Variants in SYP observed in about 807,000 individuals in gnomAD.
SYP encodes the protein synaptophysin.
A neutral mutation model predicts 24.3 loss-of-function variants in SYP; 2 were observed. The ratio of observed to expected loss-of-function variants is 0.08; its 90% CI spans 0.03 to 0.26. SYP has a LOEUF of 0.26. Among genes scored for constraint, SYP ranks in the 10% least tolerant of loss-of-function variants. The probability of loss-of-function intolerance (pLI) is 1.00; values close to 1 mark genes in which losing one functional copy is unlikely to be tolerated. For missense variants in SYP, 216 were observed against 266.3 expected (o/e 0.81, Z 1.32); for synonymous variants, 143 against 123.2 (o/e 1.16, Z -1.07).
chrX:49,190,181 CT>C lies in SYP; in HGVS notation c.*5-900del, dbSNP rs3841666. 1.3e-4 allele frequency among the ~76,000 whole-genome samples: 13 copies of C among 103,793 alleles called. 1 individual carries two copies. The highest frequency in any genetic ancestry group is 9.8e-3 in the Middle Eastern group (2 of 204). 90.1% of individuals were successfully genotyped at this position (103,793 alleles called of 115,157 possible). On this transcript the variant is annotated intron_variant, in intron 6 of 6. Coordinates refer to ENST00000263233, the MANE Select transcript of SYP (RefSeq NM_003179.3). Reference sequence around the variant, plus strand: ...TGAGGGAAATCTCACTTCTCTTTTTCTTTTTTTTTTTGTTTTGAGACAGAGT... The same window carrying C: ...TGAGGGAAATCTCACTTCTCTTTTTCTTTTTTTTTTGTTTTGAGACAGAGT...
At chrX:49,191,258 G>A (rs182753942) in intron 6 of SYP, 175 bp downstream of exon 6, 541 of 519,893 alleles carry the variant, frequency 1.0e-3, no homozygotes, top group African/African-American at 6.0e-3. Context: ...TCATTAGCTA[G>A]TTTTTCAGCT....
Position 49,191,585 on chromosome X carries a change from T to A in SYP, c.794A>T (p.Gln265Leu). The change falls in exon 6 of 7, where the codon CAG becomes CTG. Residue 265 changes from glutamine (Q) to leucine (L), a missense_variant. By Grantham distance (113) the Gln-to-Leu change is moderately radical. Transcript: ENST00000263233. The part of the protein sequence containing the change: ...YGQGPGGYGP[Q>L]DSYGPQGGYQ... Reference sequence around the variant, plus strand: ...GCCGCCCTGAGGCCCGTAGGAATCCTGGGGCCCGTACCCGCCGGGGCCCTG... The same window carrying A: ...GCCGCCCTGAGGCCCGTAGGAATCCAGGGGCCCGTACCCGCCGGGGCCCTG... 1 of 1,209,523 alleles carries A rather than the reference T, an allele frequency of 8.3e-7. No homozygotes were observed. The highest frequency in any genetic ancestry group is 1.1e-6 in the Non-Finnish European group (1 of 894,918).
rs1274386677 is a variant in SYP, at chrX:49,194,996, T to C, written c.228-635A>G. Among the ~76,000 whole-genome samples the C allele has an allele frequency of 2.4e-4, 27 of 111,333 alleles. No individual in the cohort carries two copies. The Admixed American group carries it at 2.6e-3, about 11-fold the overall frequency. On this transcript the variant is annotated intron_variant, in intron 3 of 6. Transcript: ENST00000263233. ...TGCTGGGATTACAGGCGTGAGCCAC[T>C]GCGCCCGGCCTCCCTCATCTCCTTG...
intron 1 of SYP, among the ~76,000 whole-genome samples, chrX:49,199,837 C>T (rs2065544212): frequency 1.8e-5 from 2 of 109,778 alleles, no homozygotes; most frequent in South Asian, 8.0e-4. Context: ...TCCACTCTCC[C>T]CTCCCCTTGT....
chrX:49,198,997 G>C lies in SYP; in HGVS notation c.73C>G (p.Pro25Ala), dbSNP rs1557103657. Residue 25 changes from proline (P) to alanine (A), a missense_variant, in exon 2 of 7, where the codon CCC becomes GCC. Pro to Ala is a conservative substitution (Grantham distance 27). Coordinates refer to ENST00000263233, the MANE Select transcript of SYP (RefSeq NM_003179.3). ...AGGQFRVVKE[P>A]LGFVKVLQWV... ...TGCAGCACCTTCACAAAGCCGAGGGGCTCCTTGACCACCCGGAACTGACCC... is the reference window on the plus strand; with the variant it reads ...TGCAGCACCTTCACAAAGCCGAGGGCCTCCTTGACCACCCGGAACTGACCC... 1 of 1,211,724 alleles carries C rather than the reference G, an allele frequency of 8.3e-7. No individual in the cohort carries two copies. The highest frequency in any genetic ancestry group is 1.1e-6 in the Non-Finnish European group (1 of 895,458).
At chrX:49,194,483 G>A (rs1302665220) in intron 3 of SYP, 122 bp from the exon 4 acceptor site, 9 of 650,306 alleles carry the variant, frequency 1.4e-5, no homozygotes, top group East Asian at 1.1e-4. Flanking sequence ...ACCATTCATC[G>A]AGCACCTACT....
chrX:49,192,299 A>G (rs781828153), intron 5 of SYP, among the ~76,000 whole-genome samples: 29 of 111,797 alleles, frequency 2.6e-4, no homozygotes, highest in African/African-American at 8.4e-4. Context: ...GGTTCAAGCA[A>G]TTCTCCTGCC....
Position 49,197,783 on chromosome X carries a change from C to T in SYP, c.159G>A (p.Leu53=), listed in dbSNP as rs1557103499. 8.3e-7 allele frequency: 1 copy of T among 1,209,072 alleles called. No homozygotes were observed. The highest frequency in any genetic ancestry group is 1.1e-6 in the Non-Finnish European group (1 of 894,026). Residue 53 remains leucine, a synonymous_variant, in exon 3 of 7, where the codon CTG becomes CTA. Transcript: ENST00000263233. ...TCGSYSGELQ[L]SVDCANKTES... ...CGGTCTTGTTGGCACAATCCACGCT[C>T]AGCTGGAGCTCCCCACTGTAGCTGC...
chrX:49,196,232 C>CT (rs1249379987), intron 3 of SYP, among the ~76,000 whole-genome samples: 1 of 111,633 alleles, frequency 9.0e-6, no homozygotes, highest in East Asian at 2.8e-4. Flanking sequence ...TCCCCAGACT[C>CT]TTTTCTCCCT....
At chrX:49,190,230 A>AG (rs1449477300) in intron 6 of SYP, among the ~76,000 whole-genome samples, 4 of 107,158 alleles carry the variant, frequency 3.7e-5, no homozygotes, top group Non-Finnish European at 7.7e-5. Context: ...CCCAGGCTGG[A>AG]GTGCAGTGGC....
At chrX:49,198,745 T>G in intron 2 of SYP, 6 of 413,184 alleles carry the variant, frequency 1.5e-5, no homozygotes, top group Non-Finnish European at 2.6e-5. Flanking sequence ...CGTCACAGTC[T>G]CCCACTTCAC....
At chrX:49,190,594 C>A (rs2065503698) in intron 6 of SYP, 1 of 108,431 alleles carries the variant, frequency 9.2e-6, no homozygotes, top group Non-Finnish European at 1.9e-5. Flanking sequence ...TCATAGCTCA[C>A]GGCAGCCTCA....
At position 49,191,479 on chromosome X, in the gene SYP, G is replaced by A; in HGVS notation, c.900C>T (p.Tyr300=). Residue 300 remains tyrosine (Y), a synonymous_variant, in exon 6 of 7, where the codon TAC becomes TAT. Coordinates refer to ENST00000263233, the MANE Select transcript of SYP (RefSeq NM_003179.3). ...GPQGDYGQQG[Y]GPQGAPTSFS... ...AGGAGGTGGGTGCACCCTGCGGGCC[G>A]TAGCCTTGCTGCCCATAGTCGCCCT... is the stretch of plus-strand genomic sequence containing the variant. The A allele has an allele frequency of 8.3e-7, 1 of 1,211,591 alleles. No individual in the cohort carries two copies. The highest frequency in any genetic ancestry group is 1.1e-6 in the Non-Finnish European group (1 of 895,482).
chrX:49,191,523 C>T lies in SYP; in HGVS notation c.856G>A (p.Gly286Ser), dbSNP rs2147881126. ...PDYGQPAGSG[G>S]SGYGPQGDYG... Reference sequence around the variant, plus strand: ...TCGCCCTGAGGCCCGTAGCCACTGCCACCGCTGCCGGCTGGTTGACCATAG... The same window carrying T: ...TCGCCCTGAGGCCCGTAGCCACTGCTACCGCTGCCGGCTGGTTGACCATAG... The change falls in exon 6 of 7, where the codon GGC becomes AGC. Residue 286 changes from glycine to serine, a missense_variant. By Grantham distance (56) the Gly-to-Ser change is moderately conservative (BLOSUM62 0). Transcript: ENST00000263233. The T allele has an allele frequency of 2.5e-6, 3 of 1,211,351 alleles. No homozygotes were observed. The highest frequency in any genetic ancestry group is 3.4e-6 in the Non-Finnish European group (3 of 895,427).
intron 6 of SYP, among the ~76,000 whole-genome samples, chrX:49,189,681 A>T: frequency 9.0e-6 from 1 of 111,145 alleles, no homozygotes; most frequent in Middle Eastern, 4.6e-3. Flanking sequence ...TGGAAAAAAT[A>T]AAGTGAGCTG....
intron 6 of SYP, chrX:49,191,175 A>G: frequency 2.4e-6 from 1 of 415,727 alleles, no homozygotes; most frequent in Non-Finnish European, 4.2e-6. Context: ...CTTTCCGCCG[A>G]GTTGCCCTTC....
At position 49,191,628 on chromosome X, in the gene SYP, C is replaced by T. The variant is rs1557102744; in HGVS notation, c.751G>A (p.Gly251Ser). 4.0e-5 allele frequency: 48 copies of T among 1,206,815 alleles called. No individual in the cohort carries two copies. Among genetic ancestry groups the T allele is most frequent in the Non-Finnish European group, 5.1e-5 (46 of 893,416 alleles). ...GGGCCCTGCCCGTAGCCTGCATCGCCGTAGGCGTCCCCGGGTGCCGGTTGT... is the reference window on the plus strand; with the variant it reads ...GGGCCCTGCCCGTAGCCTGCATCGCTGTAGGCGTCCCCGGGTGCCGGTTGT... ...EKQPAPGDAY[G>S]DAGYGQGPGG... Residue 251 changes from glycine to serine, a missense_variant, in exon 6 of 7, where the codon GGC becomes AGC. Physicochemically the swap from Gly to Ser is moderately conservative, Grantham distance 56 (BLOSUM62 0). Around this residue, in one of 2 missense-constraint regions of SYP, gnomAD observed 114 missense variants for 107.9 expected, o/e 1.06. Coordinates refer to ENST00000263233, the MANE Select transcript of SYP (RefSeq NM_003179.3).
At chrX:49,190,181 CTTT>C (rs3841666) in intron 6 of SYP, among the ~76,000 whole-genome samples, 1 of 103,903 alleles carries the variant, frequency 9.6e-6, no homozygotes, top group Non-Finnish European at 2.0e-5. Flanking sequence ...TTCTCTTTTT[CTTT>C]TTTTTTTTGT....
intron 5 of SYP, 129 bp downstream of exon 5, chrX:49,193,143 G>T: frequency 1.4e-6 from 1 of 732,566 alleles, no homozygotes; most frequent in Non-Finnish European, 2.1e-6. Context: ...CGTTGTTGTT[G>T]GCACGCGTTC....
Sources: allele counts gnomAD v4.1 joint callset (sites outside exome capture counted in the v4.1 genomes callset), GRCh38; gene constraint gnomAD v4.1.1; regional missense constraint gnomAD v4.1.1; transcripts MANE v1.5; gene names NCBI Gene and HGNC (gene_info 2026-07-23, HGNC 2026-07-21).